MYH3: variants seen among roughly 807,000 people sequenced by gnomAD.
The protein encoded by MYH3 is myosin heavy chain 3.
Under a neutral mutation model 238.0 loss-of-function variants are expected in MYH3, and 130 were observed. The ratio of observed to expected loss-of-function variants is 0.55; its 90% CI spans 0.47 to 0.63. The LOEUF is 0.63. Among genes scored for constraint, MYH3 ranks in the 30% least tolerant of loss-of-function variants. The pLI, the probability that MYH3 is intolerant of heterozygous loss-of-function variation, is 0.00. For missense variants in MYH3, 1,853 were observed against 2,374.9 expected (o/e 0.78, Z 4.57); for synonymous variants, 880 against 924.1 (o/e 0.95, Z 0.86).
chr17:10,657,405 C>A (rs963482076), upstream of MYH3: 12 of 152,416 alleles, frequency 7.9e-5, no homozygotes, highest in Admixed American at 3.3e-4. Context: ...GTGGCCCCCC[C>A]AAGCCGAGAA....
intron 5 of MYH3, among the ~76,000 whole-genome samples, chr17:10,651,184 C>A (rs75516389): frequency 2.9e-3 from 307 of 105,892 alleles, no homozygotes; most frequent in Middle Eastern, 5.5e-3. Flanking sequence ...GACTCCATCT[C>A]AAAAAAAAAA....
the MYH3 span, chr17:10,674,283 G>A: frequency 1.7e-3 from 271 of 163,836 alleles, no homozygotes; most frequent in Admixed American, 3.8e-3. Context: ...GCACGCCACC[G>A]GGCATGGTGG....
At chr17:10,662,313 C>T in the MYH3 span, among the ~76,000 whole-genome samples, 6 of 152,150 alleles carry the variant, frequency 3.9e-5, no homozygotes, top group African/African-American at 1.2e-4. Context: ...GGAGCCACTG[C>T]GTCTGGTCCC....
the MYH3 span, among the ~76,000 whole-genome samples, chr17:10,666,550 T>C: frequency 8.0e-6 from 1 of 125,200 alleles, no homozygotes; most frequent in African/African-American, 3.1e-5. Context: ...TGGACCAGCG[T>C]GGGCAACAGA....
intron 26 of MYH3, 26 bp downstream of exon 26, chr17:10,638,847 A>C (rs1387687838): frequency 6.2e-7 from 1 of 1,607,868 alleles, no homozygotes; most frequent in Non-Finnish European, 8.5e-7. Context: ...CCTCACATGG[A>C]AGAGAGAAAT....
rs779349540 is a variant in MYH3, at chr17:10,638,287, A to G, written c.3485T>C (p.Ile1162Thr). The change falls in exon 27 of 41, where the codon ATA (isoleucine) becomes ACA (threonine). Residue 1162 changes from isoleucine to threonine, a missense_variant. By Grantham distance (89) the Ile-to-Thr change is moderately conservative. Transcript: ENST00000583535. ...CGCCTCCCGCTTCTTGTTGAGCTCT[A>G]TCTGCGTGGAGGTGACGCCTCCCGC... The part of the protein sequence containing the change: ...EEAGGVTSTQ[I>T]ELNKKREAEF... 18 of 1,613,396 alleles carry G rather than the reference A, an allele frequency of 1.1e-5. No homozygotes were observed. Among genetic ancestry groups the G allele is most frequent in the Admixed American group, 5.0e-5 (3 of 59,974 alleles).
At chr17:10,671,192 C>T in the MYH3 span, among the ~76,000 whole-genome samples, 1 of 152,092 alleles carries the variant, frequency 6.6e-6, no homozygotes, top group African/African-American at 2.4e-5. Flanking sequence ...CATGCCCGGC[C>T]TCTGCTGTAT....
At chr17:10,629,795 G>A (rs1408545366) in intron 39 of MYH3, 47 bp downstream of exon 39, 18 of 1,613,908 alleles carry the variant, frequency 1.1e-5, no homozygotes, top group East Asian at 2.2e-5. Context: ...ACTCACCACG[G>A]GAAACAGCAC....
the MYH3 span, among the ~76,000 whole-genome samples, chr17:10,670,864 C>T: frequency 1.3e-5 from 2 of 151,946 alleles, no homozygotes; most frequent in African/African-American, 4.8e-5. The surrounding 1 kb of genome is among the most constrained non-coding windows in gnomAD (Gnocchi z 7.0). Context: ...TATGAATGTA[C>T]CACTGTTTTA....
chr17:10,638,776 C>T, intron 26 of MYH3, 97 bp downstream of exon 26: 1 of 1,265,604 alleles, frequency 7.9e-7, no homozygotes. Flanking sequence ...GGTGGCCCCA[C>T]AGTCTTGCCC....
chr17:10,635,127 ATG>A (rs2142389134), intron 30 of MYH3, 104 bp from the exon 31 acceptor site: 2 of 1,383,198 alleles, frequency 1.4e-6, no homozygotes, highest in African/African-American at 1.4e-5. Context: ...TCAGACACCC[ATG>A]TGTTTTTATA....
chr17:10,632,653 T>C lies in MYH3; in HGVS notation c.4779A>G (p.Arg1593=). The C allele has an allele frequency of 6.2e-7, 1 of 1,614,180 alleles. No homozygotes were observed. The highest frequency in any genetic ancestry group is 8.5e-7 in the Non-Finnish European group (1 of 1,180,038). The change falls in exon 34 of 41, where the codon AGA becomes AGG. Residue 1593 remains arginine, a synonymous_variant. Coordinates refer to ENST00000583535, the MANE Select transcript of MYH3 (RefSeq NM_002470.4). The part of the protein sequence containing the change: ...EIEQLKRNYQ[R]TVETMQSALD... ...GGGCGCTCTGCATGGTTTCCACTGT[T>C]CTCTGGTAGTTCCTCTTCAGCTGCT... is the stretch of plus-strand genomic sequence containing the variant.
At chr17:10,644,293 T>C in intron 14 of MYH3, 58 bp downstream of exon 14, 8 of 1,573,684 alleles carry the variant, frequency 5.1e-6, no homozygotes, top group Non-Finnish European at 7.0e-6. Flanking sequence ...TTTAGGATCA[T>C]GAAACCAATT....
Position 10,628,605 on chromosome 17 carries a change from G to T in MYH3, c.*48C>A. On this transcript the variant is annotated 3_prime_UTR_variant, in exon 41 of 41. Coordinates refer to ENST00000583535, the MANE Select transcript of MYH3 (RefSeq NM_002470.4). ...TTAAGTATCAATGGTCAGGAATCAAGAAAATATACATTTTGCATATCTTCT... is the reference window on the plus strand; with the variant it reads ...TTAAGTATCAATGGTCAGGAATCAATAAAATATACATTTTGCATATCTTCT... 6.2e-7 allele frequency: 1 copy of T among 1,604,716 alleles called. No individual in the cohort carries two copies. The highest frequency in any genetic ancestry group is 8.5e-7 in the Non-Finnish European group (1 of 1,171,426).
rs1008847737 is a variant in MYH3 at position 10,649,485 on chromosome 17, G to A, written c.642+92C>T. On this transcript the variant is annotated intron_variant, in intron 7 of 40. Transcript: ENST00000583535. ...AGCCTGTTCTCCATTCTCTGAAGAGGGGGGAATGTGAGGACATTTGGCCCC... is the reference window on the plus strand; with the variant it reads ...AGCCTGTTCTCCATTCTCTGAAGAGAGGGGAATGTGAGGACATTTGGCCCC... 1.3e-5 allele frequency: 13 copies of A among 974,244 alleles called. No homozygotes were observed. The Admixed American group carries it at 1.9e-4, about 14-fold the overall frequency. 60.3% of individuals were successfully genotyped at this position (974,244 alleles called of 1,614,324 possible).
chr17:10,639,243 G>A lies in MYH3; in HGVS notation c.3103-54C>T, dbSNP rs1275650098. The A allele has an allele frequency of 5.6e-6, 9 of 1,614,000 alleles. No homozygotes were observed. The South Asian group carries it at 7.7e-5, about 14-fold the overall frequency. Reference sequence around the variant, plus strand: ...ACAAATGCTTTGCAAGAGGACCCTTGAGGGCTCTTCCAACCCTGGAGTTCT... The same window carrying A: ...ACAAATGCTTTGCAAGAGGACCCTTAAGGGCTCTTCCAACCCTGGAGTTCT... On this transcript the variant is annotated intron_variant, in intron 24 of 40. Coordinates refer to ENST00000583535, the MANE Select transcript of MYH3 (RefSeq NM_002470.4).
chr17:10,628,825 A>G (rs1277454842), intron 40 of MYH3, 146 bp from the exon 41 acceptor site: 1 of 846,700 alleles, frequency 1.2e-6, no homozygotes, highest in Non-Finnish European at 2.0e-6. Flanking sequence ...GCACGATTGC[A>G]CACATGAAGT....
At chr17:10,666,776 T>C in the MYH3 span, among the ~76,000 whole-genome samples, 1 of 151,338 alleles carries the variant, frequency 6.6e-6, no homozygotes, top group Non-Finnish European at 1.5e-5. Flanking sequence ...AAAACAAAAC[T>C]AAAAGACGTG....
In MYH3 at chr17:10,639,711, T is replaced by C. The variant is rs757675013; in HGVS notation, c.2774A>G (p.Glu925Gly). Residue 925 changes from glutamate to glycine, a missense_variant, in exon 23 of 41, where the codon GAG becomes GGG. Glu to Gly is a moderately conservative substitution (Grantham distance 98). This residue lies in a region of MYH3 where 678 missense variants were observed against 1,058.9 expected (regional missense o/e 0.64). Transcript: ENST00000583535. The stretch of plus-strand genomic sequence containing the variant: ...GATCTCCTCCTCATCTTCAGCTCTC[T>C]CTGTCACCTCCTTGATCTTGGCCTC... ...QLEAKIKEVT[E>G]RAEDEEEINA... is the part of the protein sequence containing the mutation. The C allele has an allele frequency of 3.1e-6, 5 of 1,614,120 alleles. No individual in the cohort carries two copies. In the East Asian group the frequency reaches 1.1e-4, roughly 36 times the overall value.
Sources: gnomAD v4.1 joint callset for allele counts (sites outside exome capture counted in the v4.1 genomes callset) on GRCh38, gnomAD v4.1.1 for gene constraint, gnomAD v4.1.1 regional missense constraint, Gnocchi (gnomAD v3.1) non-coding constraint, MANE v1.5 for transcripts, NCBI Gene and HGNC (gene_info 2026-07-23, HGNC 2026-07-21) for gene names.